CELF2: variants seen among roughly 807,000 people sequenced by gnomAD.
The protein encoded by CELF2 is CUG triplet repeat RNA-binding protein 2.
CELF2 carries 8 observed loss-of-function variants against 62.6 expected under a neutral mutation model. The observed-to-expected ratio is 0.13, with a 90% confidence interval of 0.07 to 0.23. The LOEUF is 0.23. CELF2 is among the 10% of genes least tolerant of loss of function. The pLI is 1.00. For missense variants in CELF2, 333 were observed against 671.0 expected, an observed-to-expected ratio of 0.50 and a Z score of 5.56; for synonymous variants, 258 against 250.0, an observed-to-expected ratio of 1.03 and a Z score of -0.30.
chr10:11,203,940 T>C (rs1234903707), intron 2 of CELF2, among the ~76,000 whole-genome samples: 1 of 152,214 alleles, frequency 6.6e-6, no homozygotes, highest in Non-Finnish European at 1.5e-5. Context: ...TATTTTAATA[T>C]GAATCTGAGC....
chr10:10,636,246 G>T, the CELF2 span, among the ~76,000 whole-genome samples: 1 of 152,104 alleles, frequency 6.6e-6, no homozygotes, highest in Non-Finnish European at 1.5e-5. Flanking sequence ...GACTTACTTT[G>T]TAACAAAGCT....
At chr10:10,814,229 A>AT (rs2056226208) in intron 1 of CELF2, among the ~76,000 whole-genome samples, 1 of 148,434 alleles carries the variant, frequency 6.7e-6, no homozygotes, top group Non-Finnish European at 1.5e-5. Context: ...AAAAAAAAAA[A>AT]AAAAAAAAAA....
chr10:11,217,644 C>T lies in CELF2; in HGVS notation c.354+137C>T. The T allele has an allele frequency of 1.8e-6, 1 of 564,200 alleles. No homozygotes were observed. The highest frequency in any genetic ancestry group is 2.4e-5 in the South Asian group (1 of 42,514). 34.9% of individuals were successfully genotyped at this position (564,200 alleles called of 1,614,324 possible). ...GGAGTGTGTGCTGACCCCCCAGTTC[C>T]CTGCAGCAGCCACACCAGCTGGCCA... On this transcript the variant is annotated intron_variant, in intron 3 of 12. Coordinates refer to ENST00000633077, the MANE Select transcript of CELF2 (RefSeq NM_001326342.2). The surrounding 1 kb of genome is among the most constrained non-coding windows in gnomAD (Gnocchi z 5.6).
At chr10:10,607,895 G>A in the CELF2 span, among the ~76,000 whole-genome samples, 1 of 152,054 alleles carries the variant, frequency 6.6e-6, no homozygotes, top group Admixed American at 6.5e-5. Flanking sequence ...GGTGGGAGGT[G>A]GCAGGTGGAT....
chr10:10,893,630 AG>A (rs1334261081), intron 1 of CELF2, among the ~76,000 whole-genome samples: 1 of 152,196 alleles, frequency 6.6e-6, no homozygotes, highest in African/African-American at 2.4e-5. Context: ...ATGGTTCTGC[AG>A]GCTGTATGGG....
At chr10:10,690,373 A>C in the CELF2 span, among the ~76,000 whole-genome samples, 1 of 152,224 alleles carries the variant, frequency 6.6e-6, no homozygotes, top group Admixed American at 6.5e-5. Context: ...TACATGATTA[A>C]GGTTATCTAT....
At chr10:10,876,445 G>A (rs1421809592) in intron 1 of CELF2, among the ~76,000 whole-genome samples, 1 of 152,148 alleles carries the variant, frequency 6.6e-6, no homozygotes, top group African/African-American at 2.4e-5. Flanking sequence ...TCCTGCCACT[G>A]ATCAGAATTA....
chr10:10,477,414 G>A, the CELF2 span, among the ~76,000 whole-genome samples: 1 of 152,168 alleles, frequency 6.6e-6, no homozygotes, highest in African/African-American at 2.4e-5. Flanking sequence ...GCCTAGAAGT[G>A]TTTCATCTCT....
intron 9 of CELF2, among the ~76,000 whole-genome samples, chr10:11,304,722 C>G (rs2094064788): frequency 6.6e-6 from 1 of 152,180 alleles, no homozygotes; most frequent in South Asian, 2.1e-4. Flanking sequence ...ATCCAATCAC[C>G]TCTTAAAGGC....
chr10:11,009,508 C>A (rs562871739), intron 1 of CELF2, among the ~76,000 whole-genome samples: 42 of 152,258 alleles, frequency 2.8e-4, no homozygotes, highest in Non-Finnish European at 4.7e-4. Context: ...GTTTATCTCC[C>A]CCCACAGCTT....
In CELF2 at chr10:11,332,081, ATTTTTGGG is replaced by A. The variant is rs1315917022; in HGVS notation, c.*3029_*3036del. The A allele has an allele frequency of 2.6e-5, 4 of 152,200 alleles. No homozygotes were observed. The highest frequency in any genetic ancestry group is 4.4e-5 in the Non-Finnish European group (3 of 68,032). 9.4% of individuals were successfully genotyped at this position (152,200 alleles called of 1,614,324 possible). A position where few individuals can be genotyped will look rare whatever the true frequency, so the allele number is the denominator to read the frequency against. ...CTTTTACTACTTTTGATTATTTCTC[ATTTTTGGG>A]AAAAGAATTCCTAATGTGCTACTAG... On this transcript the variant is annotated 3_prime_UTR_variant, in exon 13 of 13. Transcript: ENST00000633077.
chr10:10,730,490 A>T, the CELF2 span, among the ~76,000 whole-genome samples: 40 of 151,540 alleles, frequency 2.6e-4, no homozygotes, highest in African/African-American at 8.0e-4. Context: ...AATAAAAAAT[A>T]AAAAAAAAGT....
chr10:10,543,531 G>A, the CELF2 span, among the ~76,000 whole-genome samples: 1 of 152,174 alleles, frequency 6.6e-6, no homozygotes, highest in Non-Finnish European at 1.5e-5. Context: ...CTGTGCACCA[G>A]CTCTGTGCAC....
At chr10:11,257,018 TCTC>T (rs2078980808) in intron 4 of CELF2, among the ~76,000 whole-genome samples, 2 of 152,032 alleles carry the variant, frequency 1.3e-5, no homozygotes, top group African/African-American at 2.4e-5. Context: ...GCCGCCCTGT[TCTC>T]CTCTCTAGAA....
chr10:10,913,619 G>C (rs1412110050), intron 1 of CELF2, among the ~76,000 whole-genome samples: 1 of 150,482 alleles, frequency 6.6e-6, no homozygotes, highest in African/African-American at 2.5e-5. Context: ...CCAAACTCCT[G>C]AACTCGGGTG....
rs1388338468 is a variant in CELF2, at chr10:10,934,646, A to T, written c.89+14647A>T. ...CTAGTATCATGAACAAAAACTAGGGATGTCTGGAGGAAGAGGCATTCATTG... is the reference window on the plus strand; with the variant it reads ...CTAGTATCATGAACAAAAACTAGGGTTGTCTGGAGGAAGAGGCATTCATTG... On this transcript the variant is annotated intron_variant, in intron 2 of 13. Transcript: ENST00000636488. The surrounding 1 kb of genome is among the most constrained non-coding windows in gnomAD (Gnocchi z 4.4). 6.6e-6 allele frequency: 1 copy of T among 152,214 alleles called. No individual in the cohort carries two copies. The highest frequency in any genetic ancestry group is 1.5e-5 in the Non-Finnish European group (1 of 68,068). The allele number at this position is 152,214 out of a possible 1,614,324, so 9.4% of individuals were successfully genotyped here. A position where few individuals can be genotyped will look rare whatever the true frequency, so the allele number is the denominator to read the frequency against.
At chr10:11,137,074 A>T (rs1024137343) in intron 1 of CELF2, among the ~76,000 whole-genome samples, 1 of 152,266 alleles carries the variant, frequency 6.6e-6, no homozygotes, top group Non-Finnish European at 1.5e-5. Flanking sequence ...GTAAGATTAT[A>T]TATGTATATA....
At chr10:10,793,692 T>C (rs2053981018), upstream of CELF2, among the ~76,000 whole-genome samples, 1 of 152,220 alleles carries the variant, frequency 6.6e-6, no homozygotes, top group Non-Finnish European at 1.5e-5. Context: ...ATTTTGATCC[T>C]ATCACTGCTT....
chr10:11,149,436 G>A (rs1319867804), intron 1 of CELF2, among the ~76,000 whole-genome samples: 1 of 152,148 alleles, frequency 6.6e-6, no homozygotes, highest in African/African-American at 2.4e-5. Context: ...TTCCCACATA[G>A]CTGAATGCAC....
Sources: gnomAD v4.1 joint callset for allele counts (sites outside exome capture counted in the v4.1 genomes callset) on GRCh38, gnomAD v4.1.1 for gene constraint, Gnocchi (gnomAD v3.1) non-coding constraint, MANE v1.5 for transcripts, NCBI Gene and HGNC (gene_info 2026-07-23, HGNC 2026-07-21) for gene names.